The following DLG1 variants were observed in gnomAD, a reference collection of about 807,000 sequenced individuals.
DLG1 encodes discs large MAGUK scaffold protein 1.
A neutral mutation model predicts 123.4 loss-of-function variants in DLG1; 42 were observed. The observed-to-expected ratio is 0.34, with a 90% CI of 0.27 to 0.44. The LOEUF (loss-of-function observed/expected upper bound fraction) is 0.44. Among genes scored for constraint, DLG1 ranks in the 20% least tolerant of loss-of-function variants. DLG1 has a pLI of 1.00. For missense variants in DLG1, 942 were observed against 1,082.6 expected (o/e 0.87, Z 1.82); for synonymous variants, 317 against 356.2 (o/e 0.89, Z 1.24).
intron 4 of DLG1, among the ~76,000 whole-genome samples, chr3:197,221,074 C>T (rs1315093471): frequency 2.0e-5 from 3 of 152,178 alleles, no homozygotes; most frequent in Non-Finnish European, 1.5e-5. Context: ...TATTAGTGCT[C>T]AGTGAACTGT....
At chr3:197,063,081 T>C (rs1578354437) in intron 22 of DLG1, among the ~76,000 whole-genome samples, 1 of 152,174 alleles carries the variant, frequency 6.6e-6, no homozygotes, top group East Asian at 1.9e-4. Context: ...CAGATCTGTC[T>C]TCAGCTTGTG....
rs371136081 is a variant in DLG1 at position 197,120,452 on chromosome 3, G to C, written c.1166-922C>G. ...GCAGCTGTAGCTTACAAAGACATAAGACACTTGAATTATTCCAATCATTAC... is the reference window on the plus strand; with the variant it reads ...GCAGCTGTAGCTTACAAAGACATAACACACTTGAATTATTCCAATCATTAC... On this transcript the variant is annotated intron_variant, in intron 11 of 24. Transcript: ENST00000667157. 5.3e-5 allele frequency among the ~76,000 whole-genome samples: 8 copies of C among 152,232 alleles called. No individual in the cohort carries two copies. The South Asian group carries it at 8.3e-4, about 16-fold the overall frequency.
intron 14 of DLG1, among the ~76,000 whole-genome samples, chr3:197,101,354 G>A (rs979357425): frequency 1.3e-5 from 2 of 151,820 alleles, no homozygotes; most frequent in African/African-American, 4.8e-5. Context: ...CATGCATGGC[G>A]TACAGTTTTA....
intron 16 of DLG1, 151 bp downstream of exon 16, chr3:197,085,429 G>T: frequency 1.4e-6 from 1 of 730,148 alleles, no homozygotes; most frequent in Admixed American, 2.5e-5. Context: ...ATAAAAATGT[G>T]ATCATACGAT....
At chr3:197,144,314 C>T (rs1789566705) in intron 6 of DLG1, among the ~76,000 whole-genome samples, 1 of 152,122 alleles carries the variant, frequency 6.6e-6, no homozygotes, top group Non-Finnish European at 1.5e-5. Context: ...GAGTAAAACT[C>T]AAACAGCCTA....
At chr3:197,225,115 C>A (rs1042610611) in intron 4 of DLG1, among the ~76,000 whole-genome samples, 2 of 152,158 alleles carry the variant, frequency 1.3e-5, no homozygotes, top group African/African-American at 4.8e-5. Flanking sequence ...CGCCACCGCA[C>A]CCAGCTAATT....
chr3:197,082,524 CTTTG>C (rs1411158047), intron 16 of DLG1, among the ~76,000 whole-genome samples: 3 of 152,186 alleles, frequency 2.0e-5, no homozygotes, highest in Non-Finnish European at 1.5e-5. Flanking sequence ...TACAACTCAA[CTTTG>C]TTTTCTAATC....
At chr3:197,099,654 T>C (rs528167680) in intron 14 of DLG1, among the ~76,000 whole-genome samples, 15 of 152,282 alleles carry the variant, frequency 9.9e-5, no homozygotes, top group Non-Finnish European at 2.1e-4. Flanking sequence ...ACCGCCACAC[T>C]AGAAGTAAAA....
intron 4 of DLG1, among the ~76,000 whole-genome samples, chr3:197,255,769 T>C: frequency 1.8e-5 from 1 of 57,012 alleles, no homozygotes; most frequent in Non-Finnish European, 4.1e-5. Context: ...TATAGTGATA[T>C]GAGTTAAAAA....
At chr3:197,067,551 GTTTTTTTT>G (rs199907948) in intron 19 of DLG1, among the ~76,000 whole-genome samples, 20 of 107,388 alleles carry the variant, frequency 1.9e-4, no homozygotes, top group Admixed American at 6.1e-4. Flanking sequence ...AACTCTGAGA[GTTTTTTTT>G]TTTTTTTTTT....
At chr3:197,236,979 T>C (rs963304839) in intron 4 of DLG1, among the ~76,000 whole-genome samples, 6 of 152,280 alleles carry the variant, frequency 3.9e-5, no homozygotes, top group African/African-American at 1.4e-4. Context: ...GTCATTTAAT[T>C]GACTAAAATT....
chr3:197,082,110 G>A (rs1353152910), intron 16 of DLG1, among the ~76,000 whole-genome samples: 2 of 152,108 alleles, frequency 1.3e-5, no homozygotes, highest in African/African-American at 2.4e-5. Context: ...AGTGGCTCAC[G>A]CCTGTAATCC....
chr3:197,061,259 T>C (rs1226912183), intron 22 of DLG1, among the ~76,000 whole-genome samples: 1 of 152,230 alleles, frequency 6.6e-6, no homozygotes, highest in Non-Finnish European at 1.5e-5. Context: ...TTATCTACTT[T>C]CATCAGACAT....
intron 18 of DLG1, among the ~76,000 whole-genome samples, chr3:197,074,728 T>C (rs1274044439): frequency 1.3e-5 from 2 of 152,098 alleles, no homozygotes; most frequent in African/African-American, 4.8e-5. Context: ...AAAGTGTGTC[T>C]AACAGAAAGA....
chr3:197,280,116 C>T (rs1768502469), intron 4 of DLG1, among the ~76,000 whole-genome samples: 1 of 151,934 alleles, frequency 6.6e-6, no homozygotes. Context: ...ACTCATTAAC[C>T]ATCCTCTCTT....
intron 4 of DLG1, among the ~76,000 whole-genome samples, chr3:197,198,088 T>C (rs564989939): frequency 1.2e-3 from 182 of 151,984 alleles, no homozygotes; most frequent in African/African-American, 4.2e-3. Context: ...ATTAAAAGCA[T>C]CAGCAACCAA....
chr3:197,179,634 A>G (rs1474766558), intron 5 of DLG1, among the ~76,000 whole-genome samples: 1 of 152,066 alleles, frequency 6.6e-6, no homozygotes, highest in African/African-American at 2.4e-5. Flanking sequence ...ACCTAACTCT[A>G]ATGTAGCACT....
intron 4 of DLG1, among the ~76,000 whole-genome samples, chr3:197,215,597 G>C (rs1471996047): frequency 6.6e-6 from 1 of 151,672 alleles, no homozygotes; most frequent in Non-Finnish European, 1.5e-5. Flanking sequence ...AGTTAACAGA[G>C]TTACGAAAGA....
chr3:197,045,423 GTAAC>G (rs145113361), intron 24 of DLG1, among the ~76,000 whole-genome samples: 1 of 152,098 alleles, frequency 6.6e-6, no homozygotes, highest in Non-Finnish European at 1.5e-5. Context: ...CTAAGCATGA[GTAAC>G]TAACTTTTTA....
Sources: gnomAD v4.1 joint callset for allele counts (sites outside exome capture counted in the v4.1 genomes callset) on GRCh38, gnomAD v4.1.1 for gene constraint, MANE v1.5 for transcripts, NCBI Gene and HGNC (gene_info 2026-07-23, HGNC 2026-07-21) for gene names.